The following INPP4B variants were observed in gnomAD, a reference collection of about 807,000 sequenced individuals.
INPP4B encodes the protein inositol polyphosphate-4-phosphatase type II B.
A neutral mutation model predicts 122.5 loss-of-function variants in INPP4B; 55 were observed. That is an observed-to-expected ratio of 0.45 (90% CI 0.36 to 0.56). The LOEUF is 0.56. Ranked by LOEUF, INPP4B falls within the 20% of genes least tolerant of loss-of-function variation. The pLI is 0.00. For missense variants in INPP4B, 1,000 were observed against 1,097.7 expected, an observed-to-expected ratio of 0.91 and a Z score of 1.26; for synonymous variants, 403 against 388.7, an observed-to-expected ratio of 1.04 and a Z score of -0.43.
chr4:142,807,966 T>C (rs1306575921), intron 1 of INPP4B, among the ~76,000 whole-genome samples: 1 of 152,220 alleles, frequency 6.6e-6, no homozygotes, highest in Non-Finnish European at 1.5e-5. Flanking sequence ...GGTGGTGTTT[T>C]GATTTTCCAA....
chr4:142,807,319 A>C (rs796754970), intron 1 of INPP4B, among the ~76,000 whole-genome samples: 2 of 152,350 alleles, frequency 1.3e-5, no homozygotes, highest in African/African-American at 2.4e-5. Context: ...GGAATAGAGA[A>C]GAGGAACATT....
At chr4:142,495,002 G>A (rs1822353806) in intron 2 of INPP4B, among the ~76,000 whole-genome samples, 1 of 152,086 alleles carries the variant, frequency 6.6e-6, no homozygotes, top group Non-Finnish European at 1.5e-5. Flanking sequence ...CAGTTTTGTA[G>A]TTTTGTACAG....
intron 1 of INPP4B, among the ~76,000 whole-genome samples, chr4:142,844,825 G>A (rs536605784): frequency 6.6e-6 from 1 of 152,118 alleles, no homozygotes; most frequent in African/African-American, 2.4e-5. Context: ...TTCAAGCAAG[G>A]TCTTTGAAAT....
intron 7 of INPP4B, chr4:142,383,885 T>C (rs1300905769): frequency 5.5e-6 from 3 of 548,260 alleles, no homozygotes; most frequent in Non-Finnish European, 6.5e-6. Flanking sequence ...GGAACACAGG[T>C]GTGAGCTTAT....
chr4:142,622,931 C>G (rs1458640135), intron 2 of INPP4B, among the ~76,000 whole-genome samples: 1 of 151,926 alleles, frequency 6.6e-6, no homozygotes, highest in African/African-American at 2.4e-5. Context: ...TCACCTCAAT[C>G]AATTAAAAAA....
chr4:142,133,392 T>C (rs932410286), intron 18 of INPP4B, among the ~76,000 whole-genome samples: 1 of 152,162 alleles, frequency 6.6e-6, no homozygotes, highest in African/African-American at 2.4e-5. Context: ...AGGTACAGAA[T>C]CTCACTACTT....
chr4:142,119,608 G>A (rs1270261745), intron 21 of INPP4B, among the ~76,000 whole-genome samples: 2 of 149,892 alleles, frequency 1.3e-5, no homozygotes, highest in African/African-American at 2.5e-5. Flanking sequence ...AGAACACTTG[G>A]ACACAGGATG....
chr4:142,698,746 G>T (rs576649888), intron 2 of INPP4B, among the ~76,000 whole-genome samples: 6 of 152,274 alleles, frequency 3.9e-5, no homozygotes, highest in African/African-American at 1.2e-4. Context: ...AGGAGTTGCA[G>T]TCACAGACTC....
intron 2 of INPP4B, among the ~76,000 whole-genome samples, chr4:142,481,104 C>T (rs1226241935): frequency 1.4e-5 from 2 of 139,026 alleles, no homozygotes; most frequent in Admixed American, 7.9e-5. Context: ...CACTGCACTC[C>T]AGCCTGGCAA....
chr4:142,656,008 C>T (rs542721353), intron 2 of INPP4B, among the ~76,000 whole-genome samples: 3 of 152,232 alleles, frequency 2.0e-5, no homozygotes, highest in African/African-American at 7.2e-5. Flanking sequence ...AAAGGCAATA[C>T]TAAATCATAC....
intron 7 of INPP4B, among the ~76,000 whole-genome samples, chr4:142,330,513 A>ACACACACGCATATGTG (rs1381719258): frequency 1.3e-5 from 2 of 152,174 alleles, no homozygotes; most frequent in African/African-American, 4.8e-5. Flanking sequence ...AGGGATGCAT[A>ACACACACGCATATGTG]CACACACGCA....
intron 23 of INPP4B, among the ~76,000 whole-genome samples, chr4:142,100,942 A>ATG (rs951054885): frequency 1.2e-3 from 190 of 152,266 alleles, no homozygotes; most frequent in African/African-American, 4.2e-3. Context: ...ATTACCATGT[A>ATG]GAAAAATGAT....
intron 11 of INPP4B, among the ~76,000 whole-genome samples, chr4:142,241,559 G>C (rs1250947578): frequency 6.6e-6 from 1 of 152,096 alleles, no homozygotes; most frequent in African/African-American, 2.4e-5. Context: ...GCTTTTTCAT[G>C]GGATTCAGTA....
chr4:142,205,677 C>T (rs186356856), intron 14 of INPP4B, among the ~76,000 whole-genome samples: 6 of 152,250 alleles, frequency 3.9e-5, no homozygotes, highest in Admixed American at 3.3e-4. Flanking sequence ...ATAGCAGACT[C>T]AGCTCATGTA....
Position 142,377,953 on chromosome 4 carries a change from C to A in INPP4B, c.372+24985G>T, listed in dbSNP as rs543667493. 3.7e-4 allele frequency among the ~76,000 whole-genome samples: 57 copies of A among 152,184 alleles called. 2 individuals are homozygous for A. The highest frequency in any genetic ancestry group is 3.5e-3 in the Admixed American group (53 of 15,250). On this transcript the variant is annotated intron_variant, in intron 7 of 25. Transcript: ENST00000262992. ...ATAAGCAACCTTTTGGAGTCAGATA[C>A]CGTCAAACTGCTAAATCTTATCTTG...
intron 2 of INPP4B, among the ~76,000 whole-genome samples, chr4:142,725,350 G>C (rs1479688826): frequency 6.6e-6 from 1 of 152,044 alleles, no homozygotes; most frequent in Non-Finnish European, 1.5e-5. Flanking sequence ...GCATGAGGGT[G>C]TCTTCATAAA....
chr4:142,320,370 T>G (rs888210777), intron 7 of INPP4B, among the ~76,000 whole-genome samples: 1 of 152,142 alleles, frequency 6.6e-6, no homozygotes, highest in East Asian at 1.9e-4. Flanking sequence ...TGCTACACCA[T>G]GGAGTGGTAA....
At chr4:142,440,481 T>C (rs527603082) in intron 3 of INPP4B, among the ~76,000 whole-genome samples, 15 of 152,326 alleles carry the variant, frequency 9.8e-5, no homozygotes, top group South Asian at 8.3e-4. Context: ...ATAGTTCAGT[T>C]TGGCTAAATC....
rs1222718346 is a variant in INPP4B, at chr4:142,152,071, T to C, written c.1564-6075A>G. On this transcript the variant is annotated intron_variant, in intron 17 of 25. Transcript: ENST00000262992. Reference sequence around the variant, plus strand: ...AACATGCTTTTTTGTCTTTTCTTTTTTTTTTTTTTTTTTTTTTTTTTTGAC... The same window carrying C: ...AACATGCTTTTTTGTCTTTTCTTTTCTTTTTTTTTTTTTTTTTTTTTTGAC... 1.4e-4 allele frequency among the ~76,000 whole-genome samples: 10 copies of C among 70,402 alleles called. No homozygotes were observed. In the East Asian group the frequency reaches 1.9e-3, roughly 13 times the overall value. 46.2% of individuals were successfully genotyped at this position (70,402 alleles called of 152,430 possible).
Sources: allele counts gnomAD v4.1 joint callset (sites outside exome capture counted in the v4.1 genomes callset), GRCh38; gene constraint gnomAD v4.1.1; transcripts MANE v1.5; gene names NCBI Gene and HGNC (gene_info 2026-07-23, HGNC 2026-07-21).